Variants in CTDP1 observed in about 807,000 individuals in gnomAD.
The protein encoded by CTDP1 is RNA polymerase II subunit A C-terminal domain phosphatase.
In CTDP1, 47 loss-of-function variants were observed where a neutral mutation model predicts 91.8. The ratio of observed to expected loss-of-function variants is 0.51; its 90% CI spans 0.41 to 0.65. The LOEUF (loss-of-function observed/expected upper bound fraction) is 0.65. CTDP1 is among the 30% of genes least tolerant of loss of function. CTDP1 has a pLI of 0.00. For missense variants in CTDP1, 1,272 were observed against 1,373.7 expected (o/e 0.93, Z 1.17); for synonymous variants, 656 against 598.5 (o/e 1.10, Z -1.40).
chr18:79,724,063 C>T (rs146513770), intron 10 of CTDP1, among the ~76,000 whole-genome samples: 52 of 152,308 alleles, frequency 3.4e-4, no homozygotes, highest in African/African-American at 1.1e-3. Flanking sequence ...GCCTCTCATC[C>T]GAAAATCCAA....
chr18:79,737,584 G>A (rs1489424210), intron 12 of CTDP1, among the ~76,000 whole-genome samples: 1 of 152,072 alleles, frequency 6.6e-6, no homozygotes, highest in Non-Finnish European at 1.5e-5. Context: ...TCTCAGGTTG[G>A]TCGATGAACA....
chr18:79,710,686 A>ATTTTTTTTTTTTTTT (rs11306504), intron 6 of CTDP1, among the ~76,000 whole-genome samples: 1 of 88,502 alleles, frequency 1.1e-5, no homozygotes, highest in Non-Finnish European at 2.0e-5. Context: ...TCGCCCGGCA[A>ATTTTTTTTTTTTTTT]TTTTTTTTTT....
intron 4 of CTDP1, among the ~76,000 whole-genome samples, chr18:79,703,835 T>C (rs1381512676): frequency 4.7e-4 from 72 of 152,060 alleles, no homozygotes; most frequent in Non-Finnish European, 1.8e-4. Context: ...GGTGGTTATG[T>C]AGTTATCATA....
chr18:79,743,041 C>T (rs975150960), intron 12 of CTDP1, among the ~76,000 whole-genome samples: 4 of 152,190 alleles, frequency 2.6e-5, no homozygotes, highest in Admixed American at 6.5e-5. Context: ...GTAGCCGCGC[C>T]GAGGAGGGGC....
At chr18:79,724,369 T>TG (rs1352464012) in intron 10 of CTDP1, among the ~76,000 whole-genome samples, 1 of 152,226 alleles carries the variant, frequency 6.6e-6, no homozygotes, top group African/African-American at 2.4e-5. Flanking sequence ...GGTGAGTGTG[T>TG]GTTTAGCTTT....
rs566694015 is a variant in CTDP1, at chr18:79,694,351, G to A, written c.315-874G>A. Among the ~76,000 whole-genome samples, 4 of 103,788 alleles carry A rather than the reference G, an allele frequency of 3.9e-5. 2 individuals carry two copies. Among genetic ancestry groups the A allele is most frequent in the Non-Finnish European group, 8.6e-5 (4 of 46,774 alleles). 68.1% of individuals were successfully genotyped at this position (103,788 alleles called of 152,430 possible). A position where few individuals can be genotyped will look rare whatever the true frequency, so the allele number is the denominator to read the frequency against. ...GCAGCCCAGCTGGGACGGGAGTGTG[G>A]GGGTTGCGAGCTCCTAGGGACACTG... On this transcript the variant is annotated intron_variant, in intron 1 of 12. Transcript: ENST00000613122.
intron 5 of CTDP1, 40 bp downstream of exon 5, chr18:79,704,957 G>C: frequency 6.2e-7 from 1 of 1,610,524 alleles, no homozygotes; most frequent in Non-Finnish European, 8.5e-7. Flanking sequence ...GTGAACAGTG[G>C]GTTTCTTTCC....
chr18:79,694,979 C>T (rs914094321), intron 1 of CTDP1, among the ~76,000 whole-genome samples: 5 of 152,110 alleles, frequency 3.3e-5, no homozygotes, highest in South Asian at 2.1e-4. Context: ...AGCTGTTCCA[C>T]GGGTGGCACG....
At chr18:79,679,483 ATGGCACGCAGGCCTGCG>A (rs1401349766), upstream of CTDP1, 4 of 456,308 alleles carry the variant, frequency 8.8e-6, no homozygotes, top group Non-Finnish European at 1.8e-5. Flanking sequence ...TGATGGGGTA[ATGGCACGCAGGCCTGCG>A]TTGAACGCTG....
At chr18:79,682,968 C>G (rs139574285) in intron 1 of CTDP1, 1 of 152,342 alleles carries the variant, frequency 6.6e-6, no homozygotes, top group Admixed American at 6.5e-5. Flanking sequence ...GAGCCTGAGT[C>G]ACTTTCACTT....
rs2086669907 is a variant in CTDP1, at chr18:79,736,498, CGCG to C, written c.2727_2729del (p.Ala910del). The C allele has an allele frequency of 1.9e-6, 3 of 1,545,960 alleles. No individual in the cohort carries two copies. The highest frequency in any genetic ancestry group is 1.7e-6 in the Non-Finnish European group (2 of 1,145,098). On this transcript the variant is annotated inframe_deletion, in exon 12 of 13. Coordinates refer to ENST00000613122, the MANE Select transcript of CTDP1 (RefSeq NM_004715.5). Reference sequence around the variant, plus strand: ...GGGCACCTGCGTCCAGCGAGAGGAGCGCGGCAGGGGGCCGGGGGCCCAGGTGAG... The same window carrying C: ...GGGCACCTGCGTCCAGCGAGAGGAGCGCAGGGGGCCGGGGGCCCAGGTGAG...
In CTDP1 at chr18:79,695,961, G is replaced by A; in HGVS notation, c.399-16G>A. 6.2e-7 allele frequency: 1 copy of A among 1,609,904 alleles called. No individual in the cohort carries two copies. Among genetic ancestry groups the A allele is most frequent in the Non-Finnish European group, 8.5e-7 (1 of 1,178,552 alleles). On this transcript the variant is annotated splice_polypyrimidine_tract_variant and intron_variant, in intron 2 of 12. Transcript: ENST00000613122. ...AGACTCAGCTGAAAGCCCTGAACCTGTCCTTGCACTTGCAGGTTGCAGAGT... is the reference window on the plus strand; with the variant it reads ...AGACTCAGCTGAAAGCCCTGAACCTATCCTTGCACTTGCAGGTTGCAGAGT...
At chr18:79,711,146 C>T (rs373833789) in intron 6 of CTDP1, among the ~76,000 whole-genome samples, 3 of 152,184 alleles carry the variant, frequency 2.0e-5, no homozygotes, top group Non-Finnish European at 4.4e-5. Context: ...CGCCACCTGA[C>T]GTTGTGTATC....
chr18:79,722,632 A>G lies in CTDP1; in HGVS notation c.2417+4616A>G, dbSNP rs139695139. Among the ~76,000 whole-genome samples, 251 of 152,344 alleles carry G rather than the reference A, an allele frequency of 1.6e-3. 1 individual carries two copies. The highest frequency in any genetic ancestry group is 5.6e-3 in the African/African-American group (231 of 41,570). ...GGCTGGATGCATCTTTGTCACGTTA[A>G]GGAAATGTCTCTCCCTTCACTTGTA... On this transcript the variant is annotated intron_variant, in intron 10 of 12. Transcript: ENST00000613122.
chr18:79,682,645 T>G (rs1255843112), intron 1 of CTDP1, among the ~76,000 whole-genome samples: 6 of 152,224 alleles, frequency 3.9e-5, no homozygotes, highest in Non-Finnish European at 8.8e-5. Flanking sequence ...TTGCTGGGTG[T>G]GGAGCCCAGC....
chr18:79,687,693 C>A (rs551317315), intron 1 of CTDP1, among the ~76,000 whole-genome samples: 3 of 149,894 alleles, frequency 2.0e-5, no homozygotes, highest in African/African-American at 7.4e-5. Context: ...GTTGACTTCT[C>A]CAGTTCACTG....
chr18:79,689,974 C>T (rs1482925403), intron 1 of CTDP1, among the ~76,000 whole-genome samples: 4 of 152,186 alleles, frequency 2.6e-5, no homozygotes, highest in Admixed American at 2.0e-4. Flanking sequence ...TTCTAGGCTG[C>T]TGCTCTCCTG....
chr18:79,751,808 T>C (rs2087008835), intron 12 of CTDP1, among the ~76,000 whole-genome samples: 1 of 152,214 alleles, frequency 6.6e-6, no homozygotes, highest in African/African-American at 2.4e-5. Context: ...ACATAATGTG[T>C]CACATAGGTG....
chr18:79,718,076 A>G (rs2086258982), intron 10 of CTDP1, 60 bp downstream of exon 10: 1 of 1,590,278 alleles, frequency 6.3e-7, no homozygotes, highest in South Asian at 1.1e-5. Flanking sequence ...TTGCTGCTCC[A>G]GTCTGTTGGG....
Sources: allele counts gnomAD v4.1 joint callset (sites outside exome capture counted in the v4.1 genomes callset), GRCh38; gene constraint gnomAD v4.1.1; transcripts MANE v1.5; gene names NCBI Gene and HGNC (gene_info 2026-07-23, HGNC 2026-07-21).